Variants in MAGI3 observed in about 807,000 individuals in gnomAD.
The protein encoded by MAGI3 is membrane associated guanylate kinase, WW and PDZ domain containing 3, also known as membrane-associated guanylate kinase, WW and PDZ domain-containing protein 3.
Under a neutral mutation model 121.8 loss-of-function variants are expected in MAGI3, and 43 were observed. The ratio of observed to expected loss-of-function variants is 0.35; its 90% CI spans 0.28 to 0.46. The LOEUF is 0.46. Among genes scored for constraint, MAGI3 ranks in the 20% least tolerant of loss-of-function variants. MAGI3 has a pLI of 1.00. For synonymous variants in MAGI3, 553 were observed against 639.3 expected, an observed-to-expected ratio of 0.86 and a Z score of 2.04; for missense variants, 1,547 against 1,797.3, an observed-to-expected ratio of 0.86 and a Z score of 2.52.
chr1:113,508,082 G>A (rs1223388723), intron 1 of MAGI3, among the ~76,000 whole-genome samples: 1 of 152,154 alleles, frequency 6.6e-6, no homozygotes, highest in Non-Finnish European at 1.5e-5. Flanking sequence ...TGGAGCTTGA[G>A]CAAACAAAGA....
intron 13 of MAGI3, among the ~76,000 whole-genome samples, chr1:113,650,237 ATGTAGAACAAATAC>A (rs1653080108): frequency 6.6e-6 from 1 of 151,474 alleles, no homozygotes; most frequent in South Asian, 2.1e-4. Context: ...AGGTTGCCCT[ATGTAGAACAAATAC>A]TAGATACTTT....
intron 3 of MAGI3, 124 bp from the exon 4 acceptor site, chr1:113,585,263 C>A: frequency 1.2e-6 from 1 of 827,954 alleles, no homozygotes; most frequent in Non-Finnish European, 1.9e-6. Flanking sequence ...CCACCATGCC[C>A]ACCCCTATGG....
intron 6 of MAGI3, among the ~76,000 whole-genome samples, chr1:113,601,226 C>G (rs1321588501): frequency 1.3e-5 from 2 of 152,038 alleles, no homozygotes; most frequent in African/African-American, 4.8e-5. Flanking sequence ...CAAATGGGAT[C>G]TAATTAAACT....
chr1:113,603,804 C>A (rs1013360847), intron 6 of MAGI3, among the ~76,000 whole-genome samples: 6 of 151,890 alleles, frequency 4.0e-5, no homozygotes, highest in African/African-American at 1.5e-4. Context: ...TAAAACCCAC[C>A]AAATAATGCC....
At chr1:113,483,428 A>G (rs1313897483) in intron 1 of MAGI3, among the ~76,000 whole-genome samples, 1 of 152,170 alleles carries the variant, frequency 6.6e-6, no homozygotes, top group African/African-American at 2.4e-5. Context: ...GAGAGACCCA[A>G]GAGAGTTTGA....
intron 2 of MAGI3, among the ~76,000 whole-genome samples, chr1:113,577,529 T>C (rs1647728879): frequency 6.6e-6 from 1 of 151,260 alleles, no homozygotes; most frequent in East Asian, 1.9e-4. Flanking sequence ...TAGGAGAATA[T>C]AAAGATAAAT....
intron 3 of MAGI3, 124 bp downstream of exon 3, chr1:113,580,785 G>T: frequency 1.1e-6 from 1 of 899,698 alleles, no homozygotes; most frequent in Non-Finnish European, 1.5e-6. Flanking sequence ...CTGTTTTTGA[G>T]AAAATTTTCT....
rs1158692049 is a variant in MAGI3 at position 113,684,194 on chromosome 1, CT to C, written c.*181del. 2 of 632,298 alleles carry C rather than the reference CT, an allele frequency of 3.2e-6. No homozygotes were observed. The highest frequency in any genetic ancestry group is 4.9e-6 in the Non-Finnish European group (2 of 410,626). 39.2% of individuals were successfully genotyped at this position (632,298 alleles called of 1,614,324 possible). Reference sequence around the variant, plus strand: ...GGATTGCTAAGAACCAACTGTCCCCCTGGCCGGCTGCCCTCCCTCGCTCTCA... The same window carrying C: ...GGATTGCTAAGAACCAACTGTCCCCCGGCCGGCTGCCCTCCCTCGCTCTCA... On this transcript the variant is annotated 3_prime_UTR_variant, in exon 21 of 21. Coordinates refer to ENST00000307546, the MANE Select transcript of MAGI3 (RefSeq NM_001142782.2).
rs149367446 is a variant in MAGI3, at chr1:113,541,939, C to T, written c.317-7576C>T. 1.4e-4 allele frequency among the ~76,000 whole-genome samples: 22 copies of T among 152,302 alleles called. No homozygotes were observed. In the East Asian group the frequency reaches 3.9e-3, roughly 27 times the overall value. On this transcript the variant is annotated intron_variant, in intron 1 of 20. Transcript: ENST00000307546. ...TGTTCTTCCCCAGCTCAAGTAAGTG[C>T]TGTCGCATGTCTTGTTTCCTCTACC...
At chr1:113,523,086 T>C (rs1007688884) in intron 1 of MAGI3, among the ~76,000 whole-genome samples, 11 of 152,218 alleles carry the variant, frequency 7.2e-5, no homozygotes, top group Admixed American at 3.3e-4. Context: ...GATGGTTTTA[T>C]AAGGGGAAGT....
intron 16 of MAGI3, among the ~76,000 whole-genome samples, chr1:113,663,842 A>G (rs1239416724): frequency 1.3e-5 from 2 of 151,970 alleles, no homozygotes; most frequent in Admixed American, 6.6e-5. Flanking sequence ...CCATTTCCCC[A>G]TATCCTTGCC....
chr1:113,644,996 T>G (rs577616884), intron 11 of MAGI3, among the ~76,000 whole-genome samples: 1 of 150,264 alleles, frequency 6.7e-6, no homozygotes, highest in Non-Finnish European at 1.5e-5. Flanking sequence ...GTTTTATAGA[T>G]TAAAAAGAAT....
intron 3 of MAGI3, 68 bp downstream of exon 3, chr1:113,580,729 A>T: frequency 7.1e-7 from 1 of 1,418,394 alleles, no homozygotes; most frequent in Non-Finnish European, 9.3e-7. Flanking sequence ...TTTCAGAGGG[A>T]ATTTGACCAG....
At chr1:113,583,131 T>TTTTA (rs1181983954) in intron 3 of MAGI3, among the ~76,000 whole-genome samples, 1 of 151,178 alleles carries the variant, frequency 6.6e-6, no homozygotes, top group Non-Finnish European at 1.5e-5. Flanking sequence ...ATCTAATTTA[T>TTTTA]TTTATTTATT....
intron 1 of MAGI3, among the ~76,000 whole-genome samples, chr1:113,490,939 G>A (rs903662160): frequency 1.3e-5 from 2 of 152,276 alleles, no homozygotes. Flanking sequence ...TAGTGGGAAA[G>A]TTTAATACCC....
At chr1:113,542,998 A>G (rs1659361005) in intron 1 of MAGI3, among the ~76,000 whole-genome samples, 1 of 152,116 alleles carries the variant, frequency 6.6e-6, no homozygotes, top group Admixed American at 6.6e-5. Context: ...TTCAAAGGTT[A>G]TCATGAGGAG....
intron 1 of MAGI3, among the ~76,000 whole-genome samples, chr1:113,489,169 G>GCCCCCCCCC (rs142365833): frequency 6.7e-6 from 1 of 148,288 alleles, no homozygotes; most frequent in Non-Finnish European, 1.5e-5. Flanking sequence ...AACACCTTAG[G>GCCCCCCCCC]CCCCCCCCGA....
chr1:113,443,054 C>G (rs1416231308), intron 1 of MAGI3, among the ~76,000 whole-genome samples: 1 of 152,084 alleles, frequency 6.6e-6, no homozygotes, highest in African/African-American at 2.4e-5. Flanking sequence ...TAGTTGTTGA[C>G]TTAATGAGAT....
chr1:113,659,746 T>A (rs1004011815), intron 16 of MAGI3, among the ~76,000 whole-genome samples: 2 of 152,170 alleles, frequency 1.3e-5, no homozygotes, highest in Non-Finnish European at 2.9e-5. Context: ...TGGGAATGGC[T>A]AGTAAGTGGG....
Sources: allele counts gnomAD v4.1 joint callset (sites outside exome capture counted in the v4.1 genomes callset), GRCh38; gene constraint gnomAD v4.1.1; transcripts MANE v1.5; gene names NCBI Gene and HGNC (gene_info 2026-07-23, HGNC 2026-07-21).